EML4: variants seen among roughly 807,000 people sequenced by gnomAD.
The protein encoded by EML4 is EMAP like 4.
EML4 carries 72 observed loss-of-function variants against 129.0 expected under a neutral mutation model. That is an observed-to-expected ratio of 0.56 (90% CI 0.46 to 0.68). EML4 has a LOEUF of 0.68. EML4 is among the 30% of genes least tolerant of loss of function. The pLI is 0.00. For missense variants in EML4, 1,363 were observed against 1,190.6 expected (o/e 1.14, Z -2.13); for synonymous variants, 532 against 405.0 (o/e 1.31, Z -3.77).
In EML4 at chr2:42,219,891, A is replaced by C. The variant is rs181825264; in HGVS notation, c.26-25614A>C. Among the ~76,000 whole-genome samples the C allele has an allele frequency of 4.9e-3, 745 of 151,464 alleles. 4 individuals carry two copies. The highest frequency in any genetic ancestry group is 7.3e-3 in the Admixed American group (111 of 15,226). On this transcript the variant is annotated intron_variant, in intron 1 of 22. Transcript: ENST00000318522. ...CAGTGAGCCAAGATCGTGCTACTGC[A>C]GTGCAGCCTGGGCGACAGAAGGAGA... is the stretch of plus-strand genomic sequence containing the variant.
At chr2:42,183,745 G>C (rs796488043) in intron 1 of EML4, among the ~76,000 whole-genome samples, 51 of 151,744 alleles carry the variant, frequency 3.4e-4, no homozygotes, top group African/African-American at 1.2e-3. Context: ...TTTATTTTTA[G>C]AATTTTTTTC....
intron 1 of EML4, among the ~76,000 whole-genome samples, chr2:42,198,720 G>A (rs976461410): frequency 2.0e-5 from 3 of 152,168 alleles, no homozygotes; most frequent in Non-Finnish European, 4.4e-5. Flanking sequence ...TGAGGATTTG[G>A]AATAGTTATT....
At chr2:42,291,398 C>CT (rs5830720) in intron 11 of EML4, among the ~76,000 whole-genome samples, 5,808 of 122,852 alleles carry the variant, frequency 0.047, 507 homozygotes, top group African/African-American at 0.15. Context: ...ATCAAGACAC[C>CT]TTTTTTTTTT....
intron 14 of EML4, among the ~76,000 whole-genome samples, chr2:42,302,360 T>G (rs951408435): frequency 1.3e-5 from 2 of 152,154 alleles, no homozygotes; most frequent in African/African-American, 4.8e-5. Context: ...TATTTTTATA[T>G]TTTGATCCTT....
At chr2:42,295,603 C>G (rs1009918069) in intron 13 of EML4, 87 bp downstream of exon 13, 9 of 1,204,398 alleles carry the variant, frequency 7.5e-6, no homozygotes, top group Non-Finnish European at 6.9e-6. Context: ...AGAGAAAGAG[C>G]TGCAGTGTAA....
At chr2:42,255,695 G>C (rs1676096726) in intron 2 of EML4, among the ~76,000 whole-genome samples, 1 of 152,144 alleles carries the variant, frequency 6.6e-6, no homozygotes, top group Admixed American at 6.5e-5. Flanking sequence ...CAGGTCTCCT[G>C]CTTCCTGTCT....
chr2:42,200,857 A>G (rs756135291), intron 1 of EML4, among the ~76,000 whole-genome samples: 5 of 152,208 alleles, frequency 3.3e-5, no homozygotes, highest in Non-Finnish European at 7.3e-5. Flanking sequence ...TGCAGGGGAC[A>G]GTAGGGGAAA....
chr2:42,245,252 G>T (rs1675322787), intron 1 of EML4, among the ~76,000 whole-genome samples: 2 of 151,412 alleles, frequency 1.3e-5, no homozygotes, highest in Admixed American at 1.3e-4. Flanking sequence ...GCATCATCAT[G>T]CCTGGCTAAT....
At chr2:42,251,270 A>T (rs1371256344) in intron 2 of EML4, among the ~76,000 whole-genome samples, 3 of 152,216 alleles carry the variant, frequency 2.0e-5, no homozygotes, top group Non-Finnish European at 4.4e-5. Flanking sequence ...CATAGAAAAG[A>T]TATGGTAAAA....
intron 2 of EML4, among the ~76,000 whole-genome samples, chr2:42,246,236 T>C (rs1675394147): frequency 6.6e-6 from 1 of 152,204 alleles, no homozygotes; most frequent in Non-Finnish European, 1.5e-5. Context: ...GTCAAGACCC[T>C]GTTGCTCTGA....
chr2:42,212,298 T>C (rs1672929854), intron 1 of EML4, among the ~76,000 whole-genome samples: 1 of 152,230 alleles, frequency 6.6e-6, no homozygotes, highest in Non-Finnish European at 1.5e-5. Context: ...AATTTGTATT[T>C]TACTTTCAAA....
intron 1 of EML4, among the ~76,000 whole-genome samples, chr2:42,190,799 G>A (rs1255009069): frequency 6.6e-6 from 1 of 152,216 alleles, no homozygotes; most frequent in African/African-American, 2.4e-5. Context: ...GTAAACAAAT[G>A]AGCCTGCTTG....
intron 6 of EML4, among the ~76,000 whole-genome samples, chr2:42,275,700 T>C (rs1666620842): frequency 6.6e-6 from 1 of 152,224 alleles, no homozygotes; most frequent in Non-Finnish European, 1.5e-5. Context: ...AAGGTCTGTA[T>C]CACAAAGCTT....
At chr2:42,306,249 T>C (rs1033830401) in intron 17 of EML4, among the ~76,000 whole-genome samples, 7 of 152,146 alleles carry the variant, frequency 4.6e-5, no homozygotes, top group African/African-American at 7.2e-5. Context: ...GAAAGACACA[T>C]GACAGGTAAC....
chr2:42,303,559 A>C, intron 16 of EML4, 113 bp downstream of exon 16: 1 of 1,132,752 alleles, frequency 8.8e-7, no homozygotes, highest in Admixed American at 2.1e-5. Flanking sequence ...ATGTAAACAT[A>C]TGGTTTAGTA....
At chr2:42,284,598 C>G in intron 8 of EML4, 36 bp from the exon 9 acceptor site, 2 of 1,483,652 alleles carry the variant, frequency 1.3e-6, no homozygotes, top group Admixed American at 1.8e-5. Flanking sequence ...TTTCATGTTT[C>G]CTGTGTTTAA....
At chr2:42,279,025 G>T (rs1666849809) in intron 6 of EML4, among the ~76,000 whole-genome samples, 1 of 151,992 alleles carries the variant, frequency 6.6e-6, no homozygotes, top group South Asian at 2.1e-4. Context: ...AACACCTATT[G>T]GTTTATGTAA....
At chr2:42,300,344 A>G (rs1668212526) in intron 13 of EML4, among the ~76,000 whole-genome samples, 1 of 152,222 alleles carries the variant, frequency 6.6e-6, no homozygotes, top group Non-Finnish European at 1.5e-5. Context: ...ATACCAAAGA[A>G]AAAGGTATGA....
intron 1 of EML4, among the ~76,000 whole-genome samples, chr2:42,221,645 C>G (rs188190014): frequency 6.6e-6 from 1 of 151,668 alleles, no homozygotes; most frequent in Admixed American, 6.6e-5. Flanking sequence ...CTCTTGTTGC[C>G]CAAGCTGGAA....
Sources: gnomAD v4.1 joint callset for allele counts (sites outside exome capture counted in the v4.1 genomes callset) on GRCh38, gnomAD v4.1.1 for gene constraint, MANE v1.5 for transcripts, NCBI Gene and HGNC (gene_info 2026-07-23, HGNC 2026-07-21) for gene names.